KCNIP1: variants seen among roughly 807,000 people sequenced by gnomAD.
The protein encoded by KCNIP1 is potassium voltage-gated channel interacting protein 1.
Under a neutral mutation model 33.0 loss-of-function variants are expected in KCNIP1, and 18 were observed. The observed-to-expected ratio is 0.55, with a 90% CI of 0.38 to 0.81. The LOEUF is 0.81. Among genes scored for constraint, KCNIP1 ranks in the 30% least tolerant of loss-of-function variants. KCNIP1 has a pLI of 0.00. For missense variants in KCNIP1, 238 were observed against 271.6 expected (o/e 0.88, Z 0.87); for synonymous variants, 93 against 98.3 (o/e 0.95, Z 0.32).
At chr5:170,500,286 T>A (rs1224632836), upstream of KCNIP1, among the ~76,000 whole-genome samples, 1 of 152,208 alleles carries the variant, frequency 6.6e-6, no homozygotes, top group East Asian at 1.9e-4. Context: ...ATACAGGGGC[T>A]TAGAGCTTCA....
chr5:170,355,971 G>A (rs987274790), intron 1 of KCNIP1, among the ~76,000 whole-genome samples: 2 of 152,160 alleles, frequency 1.3e-5, no homozygotes, highest in Non-Finnish European at 2.9e-5. Context: ...ACACAGCCCC[G>A]GCTCTGCGCC....
At chr5:170,394,810 C>T (rs749974662) in intron 1 of KCNIP1, among the ~76,000 whole-genome samples, 3 of 152,100 alleles carry the variant, frequency 2.0e-5, no homozygotes, top group South Asian at 2.1e-4. Context: ...TGTGTCTACC[C>T]GGGGATTAGC....
At chr5:170,627,899 C>T (rs1759895234) in intron 1 of KCNIP1, among the ~76,000 whole-genome samples, 1 of 152,230 alleles carries the variant, frequency 6.6e-6, no homozygotes, top group African/African-American at 2.4e-5. Flanking sequence ...AACGTATCAG[C>T]AGCATGAGAA....
chr5:170,627,010 T>C (rs1260958556), intron 1 of KCNIP1, among the ~76,000 whole-genome samples: 2 of 152,156 alleles, frequency 1.3e-5, no homozygotes, highest in African/African-American at 4.8e-5. Context: ...GATGGGACTG[T>C]GCCTGCAGCG....
At chr5:170,673,796 G>A (rs78601570) in intron 1 of KCNIP1, among the ~76,000 whole-genome samples, 1 of 152,046 alleles carries the variant, frequency 6.6e-6, no homozygotes, top group Non-Finnish European at 1.5e-5. Flanking sequence ...CTATACCCTT[G>A]TCCAAGTTAC....
chr5:170,595,738 GA>G (rs1337275116), intron 1 of KCNIP1, among the ~76,000 whole-genome samples: 1 of 152,212 alleles, frequency 6.6e-6, no homozygotes, highest in Non-Finnish European at 1.5e-5. Context: ...AGAGATCTAA[GA>G]TGATTTTGCC....
intron 5 of KCNIP1, among the ~76,000 whole-genome samples, chr5:170,724,024 G>A (rs936267667): frequency 1.3e-5 from 2 of 152,134 alleles, no homozygotes; most frequent in African/African-American, 4.8e-5. Flanking sequence ...AGGGTAAGGG[G>A]CCCATCCATA....
chr5:170,426,785 C>A (rs1755625100), intron 1 of KCNIP1, among the ~76,000 whole-genome samples: 1 of 152,270 alleles, frequency 6.6e-6, no homozygotes, highest in African/African-American at 2.4e-5. Flanking sequence ...TCTGCTTCCA[C>A]CCAACTCCCA....
chr5:170,733,710 T>C (rs1764288666), intron 6 of KCNIP1, 126 bp from the exon 7 acceptor site: 5 of 724,472 alleles, frequency 6.9e-6, no homozygotes, highest in Non-Finnish European at 1.2e-5. Flanking sequence ...CAGGGCAAAG[T>C]TGGTTAATGA....
At chr5:170,369,582 G>A (rs1223457501) in intron 1 of KCNIP1, among the ~76,000 whole-genome samples, 2 of 152,156 alleles carry the variant, frequency 1.3e-5, no homozygotes, top group Non-Finnish European at 2.9e-5. Flanking sequence ...GCCTGGCAAG[G>A]GGGAAGAAGC....
intron 1 of KCNIP1, among the ~76,000 whole-genome samples, chr5:170,628,811 G>T (rs1030534618): frequency 1.3e-5 from 2 of 152,338 alleles, no homozygotes; most frequent in African/African-American, 2.4e-5. Context: ...AGGTTAATTT[G>T]CAGGGTTCAT....
At chr5:170,672,865 GT>G (rs1252120046) in intron 1 of KCNIP1, among the ~76,000 whole-genome samples, 1 of 152,230 alleles carries the variant, frequency 6.6e-6, no homozygotes, top group African/African-American at 2.4e-5. Context: ...TAGGCAATAG[GT>G]TTTAGTTGGT....
intron 1 of KCNIP1, among the ~76,000 whole-genome samples, chr5:170,355,329 G>A (rs1763317602): frequency 6.6e-6 from 1 of 152,224 alleles, no homozygotes; most frequent in African/African-American, 2.4e-5. Context: ...TCCTGGAGAA[G>A]GAGAAAGCAA....
intron 1 of KCNIP1, among the ~76,000 whole-genome samples, chr5:170,632,818 A>T (rs1312245228): frequency 6.6e-6 from 1 of 152,222 alleles, no homozygotes; most frequent in South Asian, 2.1e-4. Context: ...TCTGAACCTG[A>T]GTTTCTTCAT....
At chr5:170,599,781 T>A (rs1009855530) in intron 1 of KCNIP1, among the ~76,000 whole-genome samples, 18 of 152,336 alleles carry the variant, frequency 1.2e-4, no homozygotes, top group African/African-American at 4.1e-4. Context: ...CTCTTCCCCC[T>A]TCCTCCAGCG....
intron 1 of KCNIP1, among the ~76,000 whole-genome samples, chr5:170,430,392 G>A (rs1386589527): frequency 6.6e-6 from 1 of 152,162 alleles, no homozygotes; most frequent in Non-Finnish European, 1.5e-5. Flanking sequence ...ACACTTCTAT[G>A]TTTTGTTCAA....
chr5:170,713,011 A>T, intron 1 of KCNIP1: 1 of 790,946 alleles, frequency 1.3e-6, no homozygotes, highest in African/African-American at 1.7e-5. Context: ...TTTGTTAACA[A>T]GCCCCACATA....
intron 5 of KCNIP1, among the ~76,000 whole-genome samples, chr5:170,729,865 C>G (rs1295804794): frequency 6.6e-6 from 1 of 152,010 alleles, no homozygotes; most frequent in Non-Finnish European, 1.5e-5. Flanking sequence ...TAAAACCACA[C>G]CTTGGTATAT....
At chr5:170,387,039 C>T (rs192376374) in intron 1 of KCNIP1, among the ~76,000 whole-genome samples, 2 of 152,240 alleles carry the variant, frequency 1.3e-5, no homozygotes, top group East Asian at 3.9e-4. Context: ...ATGGTCCCCG[C>T]GTGATTTCCC....
Sources: allele counts gnomAD v4.1 joint callset (sites outside exome capture counted in the v4.1 genomes callset), GRCh38; gene constraint gnomAD v4.1.1; transcripts MANE v1.5; gene names NCBI Gene and HGNC (gene_info 2026-07-23, HGNC 2026-07-21).